The following CCNT1 variants were observed in gnomAD, a reference collection of about 807,000 sequenced individuals.
CCNT1 encodes cyclin-T1.
CCNT1 carries 18 observed loss-of-function variants against 67.3 expected under a neutral mutation model. That is an observed-to-expected ratio of 0.27 (90% confidence interval 0.18 to 0.40). The LOEUF (loss-of-function observed/expected upper bound fraction) is 0.40, where lower values mean the gene tolerates loss of function less well. Among genes scored for constraint, CCNT1 ranks in the 10% least tolerant of loss-of-function variants. The probability of loss-of-function intolerance (pLI) is 1.00; values close to 1 mark genes in which losing one functional copy is unlikely to be tolerated. For missense variants in CCNT1, 744 were observed against 884.9 expected, an observed-to-expected ratio of 0.84 and a Z score of 2.02; for synonymous variants, 333 against 310.3, an observed-to-expected ratio of 1.07 and a Z score of -0.77.
chr12:48,694,531 T>G, intron 8 of CCNT1, 95 bp from the exon 9 acceptor site: 1 of 1,121,762 alleles, frequency 8.9e-7, no homozygotes, highest in Non-Finnish European at 1.3e-6. Flanking sequence ...ACACTGGAAG[T>G]TCTGGATAGG....
rs374791846 is a variant in CCNT1, at chr12:48,694,216, C to G, written c.998G>C (p.Arg333Pro). The change falls in exon 9 of 9, where the codon CGT becomes CCT. Residue 333 changes from arginine (R) to proline (P), a missense_variant. By Grantham distance (103) the Arg-to-Pro change is moderately radical (BLOSUM62 -2). Transcript: ENST00000261900. ...LTSVEMLPGK[R>P]WLSSQPSFKL... ...GAAAGAAGGTTGGGAGGACAGCCAA[C>G]GCTTGCCCGGCAACATCTCCACACT... is the stretch of plus-strand genomic sequence containing the variant. The G allele has an allele frequency of 3.1e-6, 5 of 1,614,094 alleles. No individual in the cohort carries two copies. In the African/African-American group the frequency reaches 5.3e-5, roughly 17 times the overall value.
At chr12:48,714,878 T>C (rs1191495248) in intron 1 of CCNT1, among the ~76,000 whole-genome samples, 1 of 151,914 alleles carries the variant, frequency 6.6e-6, no homozygotes, top group Admixed American at 6.6e-5. Context: ...GGTGGCACCA[T>C]CTTGGCCCAC....
chr12:48,693,326 A>G lies in CCNT1; in HGVS notation c.1888T>C (p.Cys630Arg). Residue 630 changes from cysteine (C) to arginine (R), a missense_variant, in exon 9 of 9, where the codon TGT becomes CGT. Physicochemically the swap from Cys to Arg is radical, Grantham distance 180. Coordinates refer to ENST00000261900, the MANE Select transcript of CCNT1 (RefSeq NM_001240.4). ...TTCGAATGAGGGACACGAGTTTTAC[A>G]GCTGGGCTGTGAAAAGGAAAGGCCA... is the stretch of plus-strand genomic sequence containing the variant. ...TSGLSFSQPS[C>R]KTRVPHSKLD... The G allele has an allele frequency of 6.2e-7, 1 of 1,614,222 alleles. No individual in the cohort carries two copies. The highest frequency in any genetic ancestry group is 8.5e-7 in the Non-Finnish European group (1 of 1,180,036).
intron 3 of CCNT1, among the ~76,000 whole-genome samples, chr12:48,702,270 C>A (rs773464518): frequency 2.0e-5 from 3 of 152,216 alleles, no homozygotes; most frequent in Non-Finnish European, 2.9e-5. Context: ...GCATTTAATA[C>A]CAAACATTTG....
intron 2 of CCNT1, among the ~76,000 whole-genome samples, chr12:48,711,984 C>T (rs1202784578): frequency 2.0e-5 from 3 of 151,914 alleles, no homozygotes; most frequent in Non-Finnish European, 2.9e-5. Flanking sequence ...TTAGTAGAGA[C>T]GGGGTTTCAC....
chr12:48,708,352 G>A (rs1190719271), intron 2 of CCNT1, among the ~76,000 whole-genome samples: 7 of 151,982 alleles, frequency 4.6e-5, no homozygotes, highest in African/African-American at 1.4e-4. Context: ...TTCAAGAACA[G>A]CCTGGACAAC....
chr12:48,714,355 A>C (rs1940501716), intron 2 of CCNT1, 88 bp downstream of exon 2: 2 of 771,464 alleles, frequency 2.6e-6, no homozygotes, highest in African/African-American at 1.7e-5. Context: ...TTCAAGTTAC[A>C]GTTCAGTAGC....
intron 2 of CCNT1, among the ~76,000 whole-genome samples, chr12:48,708,970 G>T (rs1180441330): frequency 6.6e-6 from 1 of 152,138 alleles, no homozygotes; most frequent in Non-Finnish European, 1.5e-5. Context: ...TGGCACTGTA[G>T]TCTTGGTAAG....
chr12:48,711,760 A>C (rs1423350827), intron 2 of CCNT1, among the ~76,000 whole-genome samples: 2 of 152,200 alleles, frequency 1.3e-5, no homozygotes, highest in Non-Finnish European at 2.9e-5. Context: ...TAAGGGCAGA[A>C]GAAAGCCAAC....
At chr12:48,698,367 T>C (rs1322502615) in intron 5 of CCNT1, among the ~76,000 whole-genome samples, 184 bp from the exon 6 acceptor site, 1 of 152,194 alleles carries the variant, frequency 6.6e-6, no homozygotes, top group Non-Finnish European at 1.5e-5. Flanking sequence ...AGATCAATGA[T>C]TTTTAATTTT....
In CCNT1 at chr12:48,694,316, T is replaced by C. The variant is rs1258106185; in HGVS notation, c.898A>G (p.Met300Val). ...CTTGTGGTAGAAGTTGACATGCTCA[T>C]TAAACCTGCAATGGTTGTGTCTGAA... ...SSSDTTIAGL[M>V]SMSTSTTSAV... Residue 300 changes from methionine to valine, a missense_variant, in exon 9 of 9, where the codon ATG (methionine) becomes GTG (valine). Around this residue, in one of 3 missense-constraint regions of CCNT1, gnomAD observed 564 missense variants for 574.2 expected, o/e 0.98. Coordinates refer to ENST00000261900, the MANE Select transcript of CCNT1 (RefSeq NM_001240.4). 6.2e-7 allele frequency: 1 copy of C among 1,614,224 alleles called. No homozygotes were observed. Among genetic ancestry groups the C allele is most frequent in the South Asian group, 1.1e-5 (1 of 91,088 alleles).
intron 2 of CCNT1, among the ~76,000 whole-genome samples, chr12:48,711,998 G>C (rs1220701185): frequency 6.6e-6 from 1 of 152,062 alleles, no homozygotes; most frequent in Non-Finnish European, 1.5e-5. Flanking sequence ...GTTTCACCAT[G>C]TTAGCCAGGA....
intron 3 of CCNT1, chr12:48,705,528 C>T: frequency 6.9e-6 from 3 of 435,346 alleles, no homozygotes; most frequent in Non-Finnish European, 1.2e-5. Flanking sequence ...CCACCTTACC[C>T]TCCCAAAGTG....
rs1940079318 is a variant in CCNT1, at chr12:48,691,835, T to C, written c.*1198A>G. ...TTCGGATATACACATAAAAAGCATGTCTTACATTTATAATGTAATTTTTAA... is the reference window on the plus strand; with the variant it reads ...TTCGGATATACACATAAAAAGCATGCCTTACATTTATAATGTAATTTTTAA... On this transcript the variant is annotated 3_prime_UTR_variant, in exon 9 of 9. Coordinates refer to ENST00000261900, the MANE Select transcript of CCNT1 (RefSeq NM_001240.4). 2 of 152,234 alleles carry C rather than the reference T, an allele frequency of 1.3e-5. No homozygotes were observed. The highest frequency in any genetic ancestry group is 6.5e-5 in the Admixed American group (1 of 15,278). 9.4% of individuals were successfully genotyped at this position (152,234 alleles called of 1,614,324 possible). A position where few individuals can be genotyped will look rare whatever the true frequency, so the allele number is the denominator to read the frequency against.
chr12:48,716,412 C>G, intron 1 of CCNT1, 103 bp downstream of exon 1: 1 of 1,100,502 alleles, frequency 9.1e-7, no homozygotes, highest in African/African-American at 1.6e-5. Flanking sequence ...CAGCTTCTGC[C>G]CACCTTCTTC....
chr12:48,709,795 T>C (rs1020747267), intron 2 of CCNT1, among the ~76,000 whole-genome samples: 2 of 152,226 alleles, frequency 1.3e-5, no homozygotes, highest in African/African-American at 4.8e-5. Flanking sequence ...AATGGTTATC[T>C]CTGGGTGGGA....
In CCNT1 at chr12:48,691,425, T is replaced by C. The variant is rs1940071223; in HGVS notation, c.*1608A>G. 1 of 152,110 alleles carries C rather than the reference T, an allele frequency of 6.6e-6. No individual in the cohort carries two copies. Among genetic ancestry groups the C allele is most frequent in the African/African-American group, 2.4e-5 (1 of 41,410 alleles). The allele number at this position is 152,110 out of a possible 1,614,324, so 9.4% of individuals were successfully genotyped here. A position where few individuals can be genotyped will look rare whatever the true frequency, so the allele number is the denominator to read the frequency against. ...GAAAACAAACTCAAATTGAACCACC[T>C]TTTCCAGAGCAAAAAAAATGCAATG... On this transcript the variant is annotated 3_prime_UTR_variant, in exon 9 of 9. Coordinates refer to ENST00000261900, the MANE Select transcript of CCNT1 (RefSeq NM_001240.4).
chr12:48,711,241 G>A (rs1369269222), intron 2 of CCNT1, among the ~76,000 whole-genome samples: 1 of 151,972 alleles, frequency 6.6e-6, no homozygotes, highest in Non-Finnish European at 1.5e-5. Flanking sequence ...TTAGCTGGGT[G>A]TGGTGGCGGG....
chr12:48,712,343 C>T (rs865882504), intron 2 of CCNT1, among the ~76,000 whole-genome samples: 3 of 151,544 alleles, frequency 2.0e-5, no homozygotes, highest in Non-Finnish European at 4.4e-5. Context: ...AGTGCAATAG[C>T]GATCTCGGCT....
Sources: gnomAD v4.1 joint callset for allele counts (sites outside exome capture counted in the v4.1 genomes callset) on GRCh38, gnomAD v4.1.1 for gene constraint, gnomAD v4.1.1 regional missense constraint, MANE v1.5 for transcripts, NCBI Gene and HGNC (gene_info 2026-07-23, HGNC 2026-07-21) for gene names.